Variants in CACNA1C observed in about 807,000 individuals in gnomAD.
The protein encoded by CACNA1C is voltage-dependent L-type calcium channel subunit alpha-1C.
Under a neutral mutation model 229.0 loss-of-function variants are expected in CACNA1C, and 30 were observed. The ratio of observed to expected loss-of-function variants is 0.13; its 90% CI spans 0.10 to 0.18. The LOEUF is 0.18. Ranked by LOEUF, CACNA1C falls within the 10% of genes least tolerant of loss-of-function variation. CACNA1C has a pLI of 1.00. For synonymous variants in CACNA1C, 1,114 were observed against 1,132.5 expected (o/e 0.98, Z 0.33); for missense variants, 1,658 against 2,845.0 (o/e 0.58, Z 9.49).
At chr12:2,621,998 A>G (rs2083498283) in intron 29 of CACNA1C, among the ~76,000 whole-genome samples, 1 of 152,142 alleles carries the variant, frequency 6.6e-6, no homozygotes, top group Non-Finnish European at 1.5e-5. Flanking sequence ...GTCCTGGGAG[A>G]AGAGTTGGAG....
At chr12:2,084,334 T>C (rs1275609851) in intron 1 of CACNA1C, among the ~76,000 whole-genome samples, 4 of 152,162 alleles carry the variant, frequency 2.6e-5, no homozygotes, top group Non-Finnish European at 5.9e-5. Context: ...ATCTTTTGAG[T>C]GTTCTTTTTT....
chr12:2,224,816 T>G (rs951516327), intron 3 of CACNA1C, among the ~76,000 whole-genome samples: 1 of 152,222 alleles, frequency 6.6e-6, no homozygotes, highest in Non-Finnish European at 1.5e-5. Flanking sequence ...CATCATTGTC[T>G]GGAGGGGATG....
intron 3 of CACNA1C, among the ~76,000 whole-genome samples, chr12:2,284,748 T>C (rs914607456): frequency 6.6e-6 from 1 of 152,362 alleles, no homozygotes; most frequent in East Asian, 1.9e-4. Flanking sequence ...GAGACACTTC[T>C]GCCCCTAAGC....
intron 3 of CACNA1C, chr12:2,289,049 G>C (rs1042043045): frequency 6.6e-6 from 1 of 152,156 alleles, no homozygotes; most frequent in African/African-American, 2.4e-5. Context: ...CATTGAAATC[G>C]GATGCCTTTG....
intron 3 of CACNA1C, among the ~76,000 whole-genome samples, chr12:2,424,822 C>A (rs1046651177): frequency 1.3e-5 from 2 of 152,332 alleles, no homozygotes; most frequent in Middle Eastern, 3.4e-3. Flanking sequence ...AGGCCATGGG[C>A]ATGGGCGCTG....
rs1555200310 is a variant in CACNA1C, at chr12:2,120,692, G to GTGTGTT, written c.477+264_477+269dup. ...TGTGTGTGTGTGTGTGTGTGTGTGT[G>GTGTGTT]TGTGTTTAGTAGCAAATCCCGTGAC... is the stretch of plus-strand genomic sequence containing the variant. On this transcript the variant is annotated intron_variant, in intron 3 of 46. Transcript: ENST00000399655. Among the ~76,000 whole-genome samples the GTGTGTT allele has an allele frequency of 0.012, 1,762 of 150,644 alleles. 31 individuals are homozygous for GTGTGTT. Among genetic ancestry groups the GTGTGTT allele is most frequent in the African/African-American group, 0.041 (1,667 of 40,590 alleles).
chr12:2,290,404 C>A (rs887467325), intron 3 of CACNA1C, among the ~76,000 whole-genome samples: 1 of 152,198 alleles, frequency 6.6e-6, no homozygotes, highest in Admixed American at 6.5e-5. Flanking sequence ...GGCAGCCCTG[C>A]AGGGTGGCAG....
intron 3 of CACNA1C, among the ~76,000 whole-genome samples, chr12:2,283,069 A>G (rs989905948): frequency 2.0e-5 from 3 of 149,982 alleles, no homozygotes; most frequent in African/African-American, 4.9e-5. Context: ...AGTCCCTAGC[A>G]TAGTACTTCT....
chr12:2,372,518 T>C (rs1167589587), intron 3 of CACNA1C, among the ~76,000 whole-genome samples: 1 of 152,180 alleles, frequency 6.6e-6, no homozygotes, highest in African/African-American at 2.4e-5. Context: ...GATGGACACA[T>C]GTAGTACTGG....
At chr12:2,356,980 C>A (rs2097385737) in intron 3 of CACNA1C, among the ~76,000 whole-genome samples, 1 of 152,190 alleles carries the variant, frequency 6.6e-6, no homozygotes, top group African/African-American at 2.4e-5. Flanking sequence ...TTTCTGTCCA[C>A]TTCTCAAAAA....
At chr12:2,363,536 C>G (rs2097630103) in intron 3 of CACNA1C, among the ~76,000 whole-genome samples, 2 of 152,164 alleles carry the variant, frequency 1.3e-5, no homozygotes. Flanking sequence ...GAATCCTTCC[C>G]CAGTTTGCTG....
At chr12:2,084,283 C>T (rs1245468743) in intron 1 of CACNA1C, among the ~76,000 whole-genome samples, 1 of 152,172 alleles carries the variant, frequency 6.6e-6, no homozygotes, top group Non-Finnish European at 1.5e-5. Flanking sequence ...GGGGACCTCA[C>T]TAACTTCAAC....
chr12:2,534,434 AATT>A (rs1354782819), intron 9 of CACNA1C, among the ~76,000 whole-genome samples: 1 of 152,188 alleles, frequency 6.6e-6, no homozygotes, highest in Non-Finnish European at 1.5e-5. Context: ...AAGATGAGAG[AATT>A]ACGTGTGGGC....
chr12:2,431,412 A>G (rs975429009), intron 3 of CACNA1C, among the ~76,000 whole-genome samples: 1 of 152,130 alleles, frequency 6.6e-6, no homozygotes, highest in African/African-American at 2.4e-5. Context: ...TTAGAACCCA[A>G]GATTCCTGGC....
intron 3 of CACNA1C, among the ~76,000 whole-genome samples, chr12:2,238,394 T>A (rs1600224942): frequency 6.6e-6 from 1 of 152,316 alleles, no homozygotes; most frequent in Non-Finnish European, 1.5e-5. Flanking sequence ...TTGCCTTCAA[T>A]GTGATTTCTG....
At chr12:2,272,477 C>T (rs532773426) in intron 3 of CACNA1C, among the ~76,000 whole-genome samples, 2 of 152,322 alleles carry the variant, frequency 1.3e-5, no homozygotes, top group East Asian at 3.9e-4. Context: ...TCTACTGATG[C>T]CTTGAGCCGG....
At chr12:2,056,531 G>A (rs886756979) in intron 1 of CACNA1C, among the ~76,000 whole-genome samples, 9 of 152,198 alleles carry the variant, frequency 5.9e-5, no homozygotes, top group African/African-American at 2.2e-4. Context: ...CATGTGTTTG[G>A]GGAGTGCAAG....
rs558445772 is a variant in CACNA1C, at chr12:2,635,671, C to T, written c.3912+1291C>T. On this transcript the variant is annotated intron_variant, in intron 30 of 46. Transcript: ENST00000399655. ...CTTTTAGCAGATGGACTATGGAAAG[C>T]GGTTGTCACACTTGTCATATGTCCC... Among the ~76,000 whole-genome samples the T allele has an allele frequency of 2.9e-4, 44 of 152,236 alleles. No homozygotes were observed. In the Middle Eastern group the frequency reaches 0.01, roughly 35 times the overall value.
At chr12:2,495,345 A>G (rs2099744535) in intron 7 of CACNA1C, among the ~76,000 whole-genome samples, 1 of 152,212 alleles carries the variant, frequency 6.6e-6, no homozygotes, top group Non-Finnish European at 1.5e-5. Flanking sequence ...ACATAGGATA[A>G]ATGATTGTGT....
Sources: gnomAD v4.1 joint callset for allele counts (sites outside exome capture counted in the v4.1 genomes callset) on GRCh38, gnomAD v4.1.1 for gene constraint, MANE v1.5 for transcripts, NCBI Gene and HGNC (gene_info 2026-07-23, HGNC 2026-07-21) for gene names.